The following CACNA1A variants were observed in gnomAD, a reference collection of about 807,000 sequenced individuals.
CACNA1A encodes the protein voltage-dependent P/Q-type calcium channel subunit alpha-1A.
CACNA1A carries 57 observed loss-of-function variants against 262.4 expected under a neutral mutation model. That is an observed-to-expected ratio of 0.22 (90% confidence interval 0.18 to 0.27). CACNA1A has a LOEUF of 0.27. Among genes scored for constraint, CACNA1A ranks in the 10% least tolerant of loss-of-function variants. The pLI is 1.00. For synonymous variants in CACNA1A, 1,431 were observed against 1,419.3 expected (o/e 1.01, Z -0.18); for missense variants, 2,526 against 3,562.8 (o/e 0.71, Z 7.41).
intron 5 of CACNA1A, among the ~76,000 whole-genome samples, chr19:13,360,474 A>AT (rs58721308): frequency 0.04 from 5,096 of 126,206 alleles, 181 homozygotes; most frequent in Middle Eastern, 0.063. Context: ...TGCCACTAGA[A>AT]TTTTTTTTTT....
In CACNA1A at chr19:13,208,659, G is replaced by A. The variant is rs1048024870; in HGVS notation, c.6780+97C>T. The A allele has an allele frequency of 6.5e-6, 9 of 1,389,540 alleles. No individual in the cohort carries two copies. In the Admixed American group the frequency reaches 2.4e-4, roughly 37 times the overall value. The allele number at this position is 1,389,540 out of a possible 1,614,324, so 86.1% of individuals were successfully genotyped here. On this transcript the variant is annotated intron_variant, in intron 46 of 46. Transcript: ENST00000360228. ...GAGGTGGTCACAGCCGGGATCCGGGGACCTTTGCCTAGAGTGGCTGTTGGA... is the reference window on the plus strand; with the variant it reads ...GAGGTGGTCACAGCCGGGATCCGGGAACCTTTGCCTAGAGTGGCTGTTGGA...
chr19:13,329,962 AAC>A (rs1319190481), intron 10 of CACNA1A, among the ~76,000 whole-genome samples: 4 of 152,174 alleles, frequency 2.6e-5, no homozygotes, highest in Non-Finnish European at 5.9e-5. Context: ...ATGAGTCACA[AAC>A]ATTCACCAAC....
At chr19:13,229,502 C>A (rs1023219051) in intron 36 of CACNA1A, among the ~76,000 whole-genome samples, 3 of 152,188 alleles carry the variant, frequency 2.0e-5, no homozygotes, top group African/African-American at 4.8e-5. Context: ...TGGAGAGGGA[C>A]CCCTCTGGTG....
intron 1 of CACNA1A, among the ~76,000 whole-genome samples, chr19:13,473,390 A>C (rs970679805): frequency 6.6e-6 from 1 of 152,256 alleles, no homozygotes; most frequent in African/African-American, 2.4e-5. Flanking sequence ...CAACTACCAG[A>C]AACTGGAAGA....
intron 1 of CACNA1A, among the ~76,000 whole-genome samples, chr19:13,495,247 C>T (rs937916682): frequency 6.6e-6 from 1 of 152,162 alleles, no homozygotes; most frequent in African/African-American, 2.4e-5. Context: ...CTGTCCCCTA[C>T]CCTCAAGGAG....
In CACNA1A at chr19:13,262,584, T is replaced by TAGA. The variant is rs536329977; in HGVS notation, c.4089+149_4089+150insTCT. 7.7e-4 allele frequency: 478 copies of TAGA among 623,398 alleles called. 1 individual carries two copies. In the East Asian group the frequency reaches 0.013, roughly 17 times the overall value. 38.6% of individuals were successfully genotyped at this position (623,398 alleles called of 1,614,324 possible). ...CACTTTACTGCCATCTGCTGGGAAGTTGTAATAATACAAATATCCATACAC... is the reference window on the plus strand; with the variant it reads ...CACTTTACTGCCATCTGCTGGGAAGTAGATGTAATAATACAAATATCCATACAC... On this transcript the variant is annotated intron_variant, in intron 25 of 46. Coordinates refer to ENST00000360228, the MANE Select transcript of CACNA1A (RefSeq NM_001127222.2).
At chr19:13,371,661 C>G in intron 4 of CACNA1A, 27 bp downstream of exon 4, 1 of 1,534,966 alleles carries the variant, frequency 6.5e-7, no homozygotes, top group Non-Finnish European at 8.8e-7. Flanking sequence ...TGAGCAAACC[C>G]CTTGTCAGGG....
At position 13,286,620 on chromosome 19, in the gene CACNA1A, C is replaced by T. The variant is rs376365775; in HGVS notation, c.3436G>A (p.Val1146Ile). 36 of 1,526,056 alleles carry T rather than the reference C, an allele frequency of 2.4e-5. No homozygotes were observed. Among genetic ancestry groups the T allele is most frequent in the South Asian group, 3.8e-5 (3 of 78,294 alleles). 94.5% of individuals were successfully genotyped at this position (1,526,056 alleles called of 1,614,324 possible). A position where few individuals can be genotyped will look rare whatever the true frequency, so the allele number is the denominator to read the frequency against. The part of the protein sequence containing the change: ...PPKTPENSLI[V>I]TNPSGTQTNS... ...GTCTGGGTGCCGCTGGGGTTGGTGA[C>T]GATAAGGCTATTCTCGGGGGTCTTG... Residue 1146 changes from valine to isoleucine, a missense_variant, in exon 20 of 47, where the codon GTC becomes ATC. By Grantham distance (29) the Val-to-Ile change is conservative. Coordinates refer to ENST00000360228, the MANE Select transcript of CACNA1A (RefSeq NM_001127222.2).
chr19:13,491,078 G>A (rs141282661), intron 1 of CACNA1A, among the ~76,000 whole-genome samples: 40 of 152,302 alleles, frequency 2.6e-4, no homozygotes, highest in Middle Eastern at 3.4e-3. Flanking sequence ...CCATCGTCCC[G>A]CGACATCTCT....
At chr19:13,208,608 A>G in intron 46 of CACNA1A, 148 bp downstream of exon 46, 1 of 1,011,418 alleles carries the variant, frequency 9.9e-7, no homozygotes, top group Non-Finnish European at 1.4e-6. Flanking sequence ...GCCGCCGGGC[A>G]CCCCGGTGGC....
chr19:13,301,660 A>G (rs1294318912), intron 17 of CACNA1A, among the ~76,000 whole-genome samples: 1 of 152,256 alleles, frequency 6.6e-6, no homozygotes, highest in Non-Finnish European at 1.5e-5. Context: ...TTCGTAAAAC[A>G]GAAAAGCCAA....
intron 12 of CACNA1A, among the ~76,000 whole-genome samples, chr19:13,310,253 C>T (rs529267179): frequency 6.6e-5 from 10 of 151,102 alleles, no homozygotes; most frequent in African/African-American, 2.2e-4. Flanking sequence ...ATCAGGATTT[C>T]GAGACCAGCC....
At chr19:13,388,138 C>T (rs751798816) in intron 3 of CACNA1A, among the ~76,000 whole-genome samples, 7 of 146,688 alleles carry the variant, frequency 4.8e-5, no homozygotes, top group African/African-American at 1.7e-4. Context: ...ACTTCCCATA[C>T]AGTCTATATT....
intron 6 of CACNA1A, among the ~76,000 whole-genome samples, chr19:13,339,721 T>TA (rs925969301): frequency 4.6e-5 from 7 of 150,552 alleles, no homozygotes; most frequent in African/African-American, 1.2e-4. Context: ...GTTACAAAGT[T>TA]AAAAAAAATA....
intron 24 of CACNA1A, among the ~76,000 whole-genome samples, chr19:13,266,982 G>C (rs780671585): frequency 6.6e-6 from 1 of 152,174 alleles, no homozygotes; most frequent in Non-Finnish European, 1.5e-5. Flanking sequence ...GGAGGCATTG[G>C]CAAGACCCTT....
chr19:13,420,642 C>T (rs2060302199), intron 3 of CACNA1A, among the ~76,000 whole-genome samples: 2 of 152,174 alleles, frequency 1.3e-5, no homozygotes, highest in African/African-American at 4.8e-5. Flanking sequence ...GCTCTGCTGA[C>T]ACCTTGATTT....
At chr19:13,340,266 G>C in intron 6 of CACNA1A, among the ~76,000 whole-genome samples, 1 of 151,990 alleles carries the variant, frequency 6.6e-6, no homozygotes, top group South Asian at 2.1e-4. Flanking sequence ...CGACAAGCTT[G>C]GGAACCTCTG....
intron 6 of CACNA1A, among the ~76,000 whole-genome samples, chr19:13,338,907 C>T (rs1002911607): frequency 1.3e-5 from 2 of 152,038 alleles, no homozygotes; most frequent in Admixed American, 6.5e-5. Context: ...ACTCTGTTGC[C>T]GAGGCTGGAG....
At chr19:13,325,340 T>C in intron 10 of CACNA1A, among the ~76,000 whole-genome samples, 1 of 152,000 alleles carries the variant, frequency 6.6e-6, no homozygotes, top group East Asian at 1.9e-4. Context: ...CTCTATCAAG[T>C]ATTAGCTGGG....
Sources: allele counts gnomAD v4.1 joint callset (sites outside exome capture counted in the v4.1 genomes callset), GRCh38; gene constraint gnomAD v4.1.1; transcripts MANE v1.5; gene names NCBI Gene and HGNC (gene_info 2026-07-23, HGNC 2026-07-21).